Variants in TTC23L observed in about 807,000 individuals in gnomAD.
The protein encoded by TTC23L is tetratricopeptide repeat protein 23-like.
TTC23L carries 42 observed loss-of-function variants against 48.1 expected under a neutral mutation model. That is an observed-to-expected ratio of 0.87 (90% CI 0.68 to 1.13). TTC23L has a LOEUF of 1.13. TTC23L is among the 50% of genes most tolerant of loss of function. The pLI is 0.00. For synonymous variants in TTC23L, 159 were observed against 157.2 expected, an observed-to-expected ratio of 1.01 and a Z score of -0.09; for missense variants, 391 against 421.0, an observed-to-expected ratio of 0.93 and a Z score of 0.62.
intron 9 of TTC23L, among the ~76,000 whole-genome samples, chr5:34,889,816 T>C (rs1476993377): frequency 6.6e-6 from 1 of 151,876 alleles, no homozygotes; most frequent in Non-Finnish European, 1.5e-5. Flanking sequence ...ATAAACCACA[T>C]TATTAGGTGG....
At chr5:34,877,118 C>T (rs1264277393) in intron 8 of TTC23L, among the ~76,000 whole-genome samples, 1 of 152,318 alleles carries the variant, frequency 6.6e-6, no homozygotes, top group East Asian at 1.9e-4. Flanking sequence ...TTATACACTA[C>T]AGCCAAATGG....
chr5:34,903,684 T>G (rs142259655), downstream of TTC23L, among the ~76,000 whole-genome samples: 43 of 152,368 alleles, frequency 2.8e-4, no homozygotes, highest in African/African-American at 1.0e-3. Flanking sequence ...CAAGCCACAT[T>G]AGAAATATAA....
intron 9 of TTC23L, 84 bp downstream of exon 9, chr5:34,880,392 G>C (rs1259934204): frequency 7.2e-7 from 1 of 1,391,054 alleles, no homozygotes; most frequent in Non-Finnish European, 9.7e-7. Context: ...TTCAGATACT[G>C]GAGATCAGAT....
At chr5:34,912,926 G>C in the TTC23L span, among the ~76,000 whole-genome samples, 2 of 152,122 alleles carry the variant, frequency 1.3e-5, no homozygotes, top group Non-Finnish European at 2.9e-5. Flanking sequence ...ACTTGAACCC[G>C]GGAGGCAGAG....
Position 34,864,498 on chromosome 5 carries a change from TTATA to T in TTC23L, c.601_604del (p.Tyr201LysfsTer14), listed in dbSNP as rs749692671. ...GAGAAACATGAAGGAGCTGAAAGAA[TTATA>T]TAAAGGAGGTGTTTGTGAATTACAA... is the stretch of plus-strand genomic sequence containing the variant. On this transcript the variant is annotated frameshift_variant, in exon 6 of 11. Transcript: ENST00000505624. LOFTEE classifies it high-confidence loss of function. 3.0e-5 allele frequency: 49 copies of T among 1,613,754 alleles called. No individual in the cohort carries two copies. The highest frequency in any genetic ancestry group is 1.7e-5 in the Non-Finnish European group (20 of 1,179,834).
intron 9 of TTC23L, among the ~76,000 whole-genome samples, chr5:34,889,124 GTTCTC>G (rs1157975697): frequency 2.0e-5 from 3 of 152,124 alleles, no homozygotes; most frequent in African/African-American, 7.2e-5. Flanking sequence ...ACCTCGAACT[GTTCTC>G]TTCTAAGAGG....
intron 9 of TTC23L, among the ~76,000 whole-genome samples, chr5:34,892,061 G>C (rs1440764797): frequency 6.6e-6 from 1 of 152,198 alleles, no homozygotes; most frequent in African/African-American, 2.4e-5. Flanking sequence ...GAACTGCTGA[G>C]CAAAACCATG....
chr5:34,922,099 T>C, the TTC23L span: 1 of 536,356 alleles, frequency 1.9e-6, no homozygotes, highest in Admixed American at 3.5e-5. Context: ...TAGGCCTTTG[T>C]AGCCTATTAG....
At chr5:34,869,284 A>G in intron 8 of TTC23L, 1 of 376,462 alleles carries the variant, frequency 2.7e-6, no homozygotes, top group South Asian at 2.3e-5. Flanking sequence ...TAACTAATAG[A>G]TATCACACAT....
chr5:34,912,308 C>G, the TTC23L span, among the ~76,000 whole-genome samples: 4 of 152,066 alleles, frequency 2.6e-5, no homozygotes, highest in Non-Finnish European at 4.4e-5. Flanking sequence ...ATTTAAAAAT[C>G]AAATTGAGAG....
At chr5:34,905,975 G>A in the TTC23L span, 4 of 151,850 alleles carry the variant, frequency 2.6e-5, no homozygotes, top group Non-Finnish European at 4.4e-5. Flanking sequence ...TTGTTTTTGA[G>A]ACGGAGTCTT....
rs115030642 is a variant in TTC23L at position 34,844,880 on chromosome 5, G to A, written c.69-607G>A. ...TCCCTCCCTGTCTCTGGTGGGACCC[G>A]TGTCCTCTTTTCTTGGCCACCACAT... On this transcript the variant is annotated intron_variant, in intron 2 of 10. Coordinates refer to ENST00000505624, the Ensembl canonical transcript of TTC23L. Among the ~76,000 whole-genome samples, 1,280 of 152,236 alleles carry A rather than the reference G, an allele frequency of 8.4e-3. 14 individuals carry two copies. Among genetic ancestry groups the A allele is most frequent in the African/African-American group, 0.029 (1,225 of 41,538 alleles).
At chr5:34,892,522 T>G (rs1762935695) in intron 9 of TTC23L, among the ~76,000 whole-genome samples, 1 of 152,192 alleles carries the variant, frequency 6.6e-6, no homozygotes, top group African/African-American at 2.4e-5. Context: ...GTTTAAGATA[T>G]AGTCCCTTAC....
the TTC23L span, among the ~76,000 whole-genome samples, chr5:34,909,989 TGG>T: frequency 6.6e-6 from 1 of 152,176 alleles, no homozygotes; most frequent in South Asian, 2.1e-4. Context: ...GTGGTTTTCC[TGG>T]GGTCCATCTT....
the TTC23L span, chr5:34,915,990 A>C: frequency 5.7e-6 from 8 of 1,393,848 alleles, no homozygotes; most frequent in African/African-American, 1.0e-4. Context: ...GCTTAATTTC[A>C]GAGTAGCCCG....
At chr5:34,856,793 G>A (rs995376859) in intron 4 of TTC23L, among the ~76,000 whole-genome samples, 1 of 152,240 alleles carries the variant, frequency 6.6e-6, no homozygotes, top group African/African-American at 2.4e-5. Context: ...ATCTGATGCT[G>A]CAGTGAAATG....
chr5:34,918,358 C>A, the TTC23L span: 1 of 1,346,242 alleles, frequency 7.4e-7, no homozygotes, highest in Non-Finnish European at 1.1e-6. Context: ...TTTTCTTTTT[C>A]TTTAGGGAAA....
At chr5:34,878,635 G>A (rs4703482) in intron 8 of TTC23L, among the ~76,000 whole-genome samples, 82,328 of 151,956 alleles carry the variant, frequency 0.54, 22,499 homozygotes, top group South Asian at 0.69. Context: ...CAGTATAGAT[G>A]AGAAATCATC....
chr5:34,918,282 GCAA>G, the TTC23L span: 18 of 700,532 alleles, frequency 2.6e-5, no homozygotes, highest in East Asian at 5.2e-4. Context: ...TTCAGCCTGG[GCAA>G]CAGTGTGAGA....
Sources: allele counts gnomAD v4.1 joint callset (sites outside exome capture counted in the v4.1 genomes callset), GRCh38; gene constraint gnomAD v4.1.1; transcripts MANE v1.5; gene names NCBI Gene and HGNC (gene_info 2026-07-23, HGNC 2026-07-21).